Variants in SPIDR observed in about 807,000 individuals in gnomAD.
SPIDR encodes scaffold protein involved in DNA repair.
A neutral mutation model predicts 104.6 loss-of-function variants in SPIDR; 93 were observed. The ratio of observed to expected loss-of-function variants is 0.89; its 90% confidence interval spans 0.75 to 1.06. The LOEUF is 1.06. SPIDR is among the 50% of genes least tolerant of loss of function. SPIDR has a pLI of 0.00. For synonymous variants in SPIDR, 431 were observed against 416.9 expected (o/e 1.03, Z -0.41); for missense variants, 1,154 against 1,111.2 (o/e 1.04, Z -0.55).
chr8:47,525,963 G>A (rs2084920752), intron 8 of SPIDR, among the ~76,000 whole-genome samples: 1 of 152,140 alleles, frequency 6.6e-6, no homozygotes, highest in Non-Finnish European at 1.5e-5. Flanking sequence ...GCTCAGTGTA[G>A]TTCCAGCCAC....
intron 10 of SPIDR, among the ~76,000 whole-genome samples, chr8:47,622,038 A>G (rs2065239117): frequency 1.3e-5 from 2 of 152,148 alleles, no homozygotes; most frequent in Non-Finnish European, 2.9e-5. Flanking sequence ...CTTATGGGCA[A>G]ACTGCTGAGG....
chr8:47,590,206 TTC>T (rs1010826903), intron 8 of SPIDR, among the ~76,000 whole-genome samples: 81 of 152,222 alleles, frequency 5.3e-4, no homozygotes, highest in Middle Eastern at 3.4e-3. Flanking sequence ...TCTTTTCACT[TTC>T]TCTGAGTTTA....
At chr8:47,599,877 G>C (rs577300456) in intron 10 of SPIDR, among the ~76,000 whole-genome samples, 60 of 152,146 alleles carry the variant, frequency 3.9e-4, no homozygotes, top group African/African-American at 1.3e-3. Flanking sequence ...AGAGATTCTC[G>C]TGCCCAAGTA....
chr8:47,425,583 GCTAT>G (rs1419271126), intron 7 of SPIDR, among the ~76,000 whole-genome samples: 14 of 152,140 alleles, frequency 9.2e-5, no homozygotes, highest in African/African-American at 2.9e-4. Context: ...TGGAAGTTTT[GCTAT>G]CTATTTGTTC....
intron 7 of SPIDR, among the ~76,000 whole-genome samples, chr8:47,439,450 C>T (rs1554694750): frequency 6.6e-6 from 1 of 152,214 alleles, no homozygotes; most frequent in Admixed American, 6.5e-5. Flanking sequence ...TACTTCACCT[C>T]ATTTTAAGTG....
intron 5 of SPIDR, among the ~76,000 whole-genome samples, chr8:47,386,886 GAGAGAA>G (rs1157719747): frequency 3.2e-3 from 200 of 62,464 alleles, no homozygotes; most frequent in African/African-American, 0.011. Context: ...GGGAGAGAGA[GAGAGAA>G]AGAGAGAGAG....
intron 10 of SPIDR, among the ~76,000 whole-genome samples, chr8:47,615,040 TGATA>T (rs1364797734): frequency 5.9e-5 from 9 of 152,174 alleles, no homozygotes; most frequent in Admixed American, 5.9e-4. Context: ...TTTACTTTCT[TGATA>T]GTGTCCTTTG....
chr8:47,690,400 T>A (rs560488956), intron 11 of SPIDR, among the ~76,000 whole-genome samples: 2 of 151,434 alleles, frequency 1.3e-5, no homozygotes, highest in South Asian at 2.1e-4. Context: ...TAATTTTATG[T>A]CCCCAATCTT....
chr8:47,281,263 G>A (rs1313886476), intron 2 of SPIDR, among the ~76,000 whole-genome samples: 2 of 152,168 alleles, frequency 1.3e-5, no homozygotes, highest in African/African-American at 2.4e-5. Flanking sequence ...GATGGCTGCT[G>A]ACTGATCAGA....
At position 47,700,529 on chromosome 8, in the gene SPIDR, T is replaced by G. The variant is rs753436278; in HGVS notation, c.1773+39T>G. On this transcript the variant is annotated intron_variant, in intron 12 of 19. Transcript: ENST00000297423. The stretch of plus-strand genomic sequence containing the variant: ...TGGAAAAACTTCCCCAGTCACAGAC[T>G]ACTCCATGCCAGGTGCCAAGCCAGG... 4.4e-6 allele frequency: 7 copies of G among 1,603,944 alleles called. No individual in the cohort carries two copies. The Admixed American group carries it at 1.0e-4, about 23-fold the overall frequency.
intron 1 of SPIDR, among the ~76,000 whole-genome samples, chr8:47,266,960 T>C (rs1303783230): frequency 6.6e-6 from 1 of 152,254 alleles, no homozygotes; most frequent in African/African-American, 2.4e-5. Flanking sequence ...GATTTGCCTA[T>C]TCTGGACATT....
intron 8 of SPIDR, among the ~76,000 whole-genome samples, chr8:47,464,700 C>T (rs2074491639): frequency 6.6e-6 from 1 of 152,054 alleles, no homozygotes; most frequent in African/African-American, 2.4e-5. Flanking sequence ...CCCCTCCCCT[C>T]CCCTCCTGTC....
At chr8:47,473,597 C>G (rs1053385147) in intron 8 of SPIDR, among the ~76,000 whole-genome samples, 2 of 152,190 alleles carry the variant, frequency 1.3e-5, no homozygotes, top group Non-Finnish European at 2.9e-5. Context: ...GTGCATGACA[C>G]CATGGTGCCT....
At chr8:47,288,359 C>T (rs1439628996) in intron 3 of SPIDR, among the ~76,000 whole-genome samples, 2 of 151,746 alleles carry the variant, frequency 1.3e-5, no homozygotes, top group Admixed American at 1.3e-4. Flanking sequence ...GATCTCTGCT[C>T]ACTGCAACCT....
intron 8 of SPIDR, among the ~76,000 whole-genome samples, chr8:47,577,440 C>T (rs777318755): frequency 2.2e-4 from 34 of 152,170 alleles, no homozygotes; most frequent in Non-Finnish European, 4.0e-4. Flanking sequence ...GATGTGTGCT[C>T]GGTACAGTTG....
chr8:47,408,808 A>G (rs2063106236), intron 7 of SPIDR, among the ~76,000 whole-genome samples: 1 of 152,270 alleles, frequency 6.6e-6, no homozygotes, highest in African/African-American at 2.4e-5. Context: ...TATAGTAACA[A>G]TGAAATTTCT....
rs2076095591 is a variant in SPIDR at position 47,673,882 on chromosome 8, G to A, written c.1626G>A (p.Leu542=). 1.2e-6 allele frequency: 2 copies of A among 1,614,156 alleles called. No individual in the cohort carries two copies. The highest frequency in any genetic ancestry group is 2.7e-5 in the African/African-American group (2 of 75,044). ...TCACCATGTCGAAGGCAAGACAGTT[G>A]GAAGGGAAGTCTTGCAGCCTGGTGG... ...LEFTMSKARQ[L]EGKSCSLVGM... is the part of the protein sequence containing the mutation. The change falls in exon 11 of 20, where the codon TTG becomes TTA. Residue 542 remains leucine (L), a synonymous_variant. Transcript: ENST00000297423.
intron 8 of SPIDR, among the ~76,000 whole-genome samples, chr8:47,483,855 C>T (rs2077197489): frequency 6.6e-6 from 1 of 152,068 alleles, no homozygotes; most frequent in Non-Finnish European, 1.5e-5. Context: ...GAAGTGGCTC[C>T]TGTGCATTCT....
intron 10 of SPIDR, among the ~76,000 whole-genome samples, chr8:47,614,366 C>T (rs1017459392): frequency 2.6e-5 from 4 of 152,090 alleles, no homozygotes; most frequent in Non-Finnish European, 5.9e-5. Context: ...GGACTACAGA[C>T]GTGCACCACA....
Sources: allele counts gnomAD v4.1 joint callset (sites outside exome capture counted in the v4.1 genomes callset), GRCh38; gene constraint gnomAD v4.1.1; transcripts MANE v1.5; gene names NCBI Gene and HGNC (gene_info 2026-07-23, HGNC 2026-07-21).